SYCP1: variants seen among roughly 807,000 people sequenced by gnomAD.
SYCP1 encodes cancer/testis antigen 8.
A neutral mutation model predicts 153.1 loss-of-function variants in SYCP1; 64 were observed. The observed-to-expected ratio is 0.42, with a 90% CI of 0.34 to 0.51. The LOEUF (loss-of-function observed/expected upper bound fraction) is 0.51. Among genes scored for constraint, SYCP1 ranks in the 20% least tolerant of loss-of-function variants. The probability of loss-of-function intolerance (pLI) is 0.06; values close to 1 mark genes in which losing one functional copy is unlikely to be tolerated. For missense variants in SYCP1, 997 were observed against 1,049.0 expected (o/e 0.95, Z 0.68); for synonymous variants, 384 against 341.8 (o/e 1.12, Z -1.36).
intron 7 of SYCP1, 63 bp from the exon 8 acceptor site, chr1:114,860,671 CTT>C (rs748826730): frequency 2.0e-6 from 2 of 1,012,688 alleles, no homozygotes; most frequent in African/African-American, 1.7e-5. Flanking sequence ...TATTTCATAA[CTT>C]ATATATTGTG....
At chr1:114,953,705 G>A (rs1671253475) in intron 27 of SYCP1, among the ~76,000 whole-genome samples, 1 of 152,088 alleles carries the variant, frequency 6.6e-6, no homozygotes, top group African/African-American at 2.4e-5. Context: ...TTTATACTAA[G>A]CCTTAATATC....
At chr1:114,899,224 C>A (rs1667259837) in intron 16 of SYCP1, among the ~76,000 whole-genome samples, 1 of 152,160 alleles carries the variant, frequency 6.6e-6, no homozygotes, top group Non-Finnish European at 1.5e-5. Flanking sequence ...CTAGAGGAAC[C>A]AGGCAGAGAG....
At chr1:114,892,904 C>T (rs758868372) in intron 15 of SYCP1, among the ~76,000 whole-genome samples, 5 of 151,856 alleles carry the variant, frequency 3.3e-5, no homozygotes, top group South Asian at 4.2e-4. Flanking sequence ...CAAAATGGTA[C>T]GGGGCTATAG....
At chr1:114,884,336 C>G (rs72694089) in intron 12 of SYCP1, among the ~76,000 whole-genome samples, 9,266 of 152,242 alleles carry the variant, frequency 0.061, 322 homozygotes, top group Middle Eastern at 0.14. Flanking sequence ...TACACTTGCC[C>G]GTGACCTTTT....
rs543902768 is a variant in SYCP1 at position 114,925,326 on chromosome 1, A to T, written c.1801-952A>T. 5.9e-5 allele frequency among the ~76,000 whole-genome samples: 9 copies of T among 152,288 alleles called. No individual in the cohort carries two copies. In the East Asian group the frequency reaches 1.7e-3, roughly 29 times the overall value. On this transcript the variant is annotated intron_variant, in intron 21 of 31. Transcript: ENST00000369522. ...AAAACATGAATTTAATTTTTAATGTAAAATAAAATCCTCCATTAAGAATTT... is the reference window on the plus strand; with the variant it reads ...AAAACATGAATTTAATTTTTAATGTTAAATAAAATCCTCCATTAAGAATTT...
intron 16 of SYCP1, among the ~76,000 whole-genome samples, chr1:114,898,356 G>C (rs1251419285): frequency 6.6e-6 from 1 of 152,126 alleles, no homozygotes; most frequent in Non-Finnish European, 1.5e-5. Flanking sequence ...CTTGGCTTTG[G>C]CTAGCTCCCT....
At chr1:114,901,076 A>G (rs749560997) in intron 16 of SYCP1, among the ~76,000 whole-genome samples, 35 of 152,212 alleles carry the variant, frequency 2.3e-4, no homozygotes, top group African/African-American at 4.8e-5. Flanking sequence ...TTTTAGAGAC[A>G]TCACACATAT....
At chr1:114,926,441 A>C in intron 22 of SYCP1, 60 bp from the exon 23 acceptor site, 1 of 1,494,684 alleles carries the variant, frequency 6.7e-7, no homozygotes, top group Non-Finnish European at 9.0e-7. Flanking sequence ...AGTCTAAGTC[A>C]GTAGCAAGGT....
chr1:114,854,145 CCTCT>C (rs967305101), upstream of SYCP1, among the ~76,000 whole-genome samples: 5 of 150,630 alleles, frequency 3.3e-5, no homozygotes, highest in Non-Finnish European at 5.9e-5. Flanking sequence ...TCCTCTGTCT[CCTCT>C]CTCTCTCTCT....
intron 18 of SYCP1, 149 bp from the exon 19 acceptor site, chr1:114,912,884 T>C: frequency 1.7e-6 from 1 of 590,220 alleles, no homozygotes; most frequent in South Asian, 2.3e-5. Context: ...ATCACCCAGC[T>C]TCAGGAATTA....
At chr1:114,969,644 G>A (rs1672352470) in intron 27 of SYCP1, among the ~76,000 whole-genome samples, 2 of 152,264 alleles carry the variant, frequency 1.3e-5, no homozygotes, top group South Asian at 4.1e-4. Flanking sequence ...CCTTTTCCAG[G>A]GGAGCGAACA....
At chr1:114,912,984 T>A (rs755914793) in intron 18 of SYCP1, 49 bp from the exon 19 acceptor site, 29 of 1,301,292 alleles carry the variant, frequency 2.2e-5, no homozygotes, top group Non-Finnish European at 3.1e-5. Flanking sequence ...CCATATTATG[T>A]CATTACATTT....
At chr1:114,894,454 G>T (rs1264766143) in intron 15 of SYCP1, among the ~76,000 whole-genome samples, 1 of 152,032 alleles carries the variant, frequency 6.6e-6, no homozygotes. Context: ...TTCTTTTTTG[G>T]TTTAATTTTT....
At chr1:114,876,930 T>C (rs1348644010) in intron 11 of SYCP1, 120 bp downstream of exon 11, 1 of 427,150 alleles carries the variant, frequency 2.3e-6, no homozygotes, top group East Asian at 4.6e-5. Flanking sequence ...AGAATTTTAA[T>C]ATTATACATA....
intron 27 of SYCP1, among the ~76,000 whole-genome samples, chr1:114,960,447 C>T (rs1405916297): frequency 6.6e-6 from 1 of 152,108 alleles, no homozygotes; most frequent in Admixed American, 6.5e-5. Flanking sequence ...GGATTACGGG[C>T]GTGAGCCACC....
At position 114,882,695 on chromosome 1, in the gene SYCP1, AC is replaced by A. The variant is rs538592829; in HGVS notation, c.911-2839del. Among the ~76,000 whole-genome samples, 16 of 152,180 alleles carry A rather than the reference AC, an allele frequency of 1.1e-4. No individual in the cohort carries two copies. In the East Asian group the frequency reaches 3.1e-3, roughly 29 times the overall value. ...TTTTTTTTACTTGAAAAAAAAGATT[AC>A]TTGTAGGAATAAGTTAAGGCCTGCT... On this transcript the variant is annotated intron_variant, in intron 12 of 31. Coordinates refer to ENST00000369522, the MANE Select transcript of SYCP1 (RefSeq NM_003176.4).
chr1:114,935,289 A>G (rs1298309255), intron 23 of SYCP1, among the ~76,000 whole-genome samples: 1 of 152,184 alleles, frequency 6.6e-6, no homozygotes, highest in Non-Finnish European at 1.5e-5. Context: ...AAACTGAACA[A>G]CCTGCTCCTG....
intron 23 of SYCP1, among the ~76,000 whole-genome samples, chr1:114,933,784 G>A (rs919542557): frequency 4.6e-5 from 7 of 152,160 alleles, no homozygotes; most frequent in Non-Finnish European, 8.8e-5. Flanking sequence ...TAGCTGATTC[G>A]ATCAAGTGGA....
At chr1:114,927,450 T>C (rs1340503059) in intron 23 of SYCP1, among the ~76,000 whole-genome samples, 1 of 152,194 alleles carries the variant, frequency 6.6e-6, no homozygotes, top group South Asian at 2.1e-4. Context: ...AAGTCTTTTA[T>C]GCAGCTATTA....
Sources: allele counts gnomAD v4.1 joint callset (sites outside exome capture counted in the v4.1 genomes callset), GRCh38; gene constraint gnomAD v4.1.1; transcripts MANE v1.5; gene names NCBI Gene and HGNC (gene_info 2026-07-23, HGNC 2026-07-21).